The following FGF6 variants were observed in gnomAD, a reference collection of about 807,000 sequenced individuals.
The protein encoded by FGF6 is fibroblast growth factor 6.
A neutral mutation model predicts 18.4 loss-of-function variants in FGF6; 14 were observed. The ratio of observed to expected loss-of-function variants is 0.76; its 90% CI spans 0.50 to 1.19. FGF6 has a LOEUF of 1.19. Ranked by LOEUF, FGF6 falls within the 50% of genes most tolerant of loss-of-function variation. The probability of loss-of-function intolerance (pLI) is 0.00; values close to 1 mark genes in which losing one functional copy is unlikely to be tolerated. For missense variants in FGF6, 266 were observed against 271.6 expected (o/e 0.98, Z 0.15); for synonymous variants, 125 against 116.7 (o/e 1.07, Z -0.46).
At position 4,439,693 on chromosome 12, in the gene FGF6, T is replaced by C. The variant is rs534794194; in HGVS notation, c.450+4440A>G. Reference sequence around the variant, plus strand: ...TTTCTGTTTCTATTTTTTTTTCAAGTTTACTACTTTTTTTTCTTTCCATTC... The same window carrying C: ...TTTCTGTTTCTATTTTTTTTTCAAGCTTACTACTTTTTTTTCTTTCCATTC... On this transcript the variant is annotated intron_variant, in intron 2 of 2. Coordinates refer to ENST00000228837, the MANE Select transcript of FGF6 (RefSeq NM_020996.3). 1.2e-3 allele frequency among the ~76,000 whole-genome samples: 176 copies of C among 152,002 alleles called. 1 individual carries two copies. Among genetic ancestry groups the C allele is most frequent in the African/African-American group, 4.0e-3 (167 of 41,410 alleles).
At chr12:4,444,046 C>T (rs1865725175) in intron 2 of FGF6, 87 bp downstream of exon 2, 2 of 839,514 alleles carry the variant, frequency 2.4e-6, no homozygotes, top group Middle Eastern at 2.3e-4. Flanking sequence ...ATAGTCACTT[C>T]TCTACTCAGG....
intron 2 of FGF6, among the ~76,000 whole-genome samples, chr12:4,436,723 C>T (rs972173178): frequency 6.6e-6 from 1 of 152,214 alleles, no homozygotes; most frequent in Non-Finnish European, 1.5e-5. Flanking sequence ...ACAGCCTTGC[C>T]TATGGGAACA....
intron 2 of FGF6, among the ~76,000 whole-genome samples, chr12:4,435,442 C>T (rs1178242818): frequency 6.6e-6 from 1 of 152,158 alleles, no homozygotes; most frequent in Non-Finnish European, 1.5e-5. Context: ...CATCCCCAAA[C>T]CGTCCCCCCA....
At position 4,445,655 on chromosome 12, in the gene FGF6, A is replaced by G. The variant is rs1865756863; in HGVS notation, c.-85T>C. 8.7e-7 allele frequency: 1 copy of G among 1,154,148 alleles called. No individual in the cohort carries two copies. The highest frequency in any genetic ancestry group is 1.6e-5 in the South Asian group (1 of 62,700). The allele number at this position is 1,154,148 out of a possible 1,614,324, so 71.5% of individuals were successfully genotyped here. A position where few individuals can be genotyped will look rare whatever the true frequency, so the allele number is the denominator to read the frequency against. The stretch of plus-strand genomic sequence containing the variant: ...GTTTTTCTCCCTCCGGCATGGCGGC[A>G]GGGGCTTATTTTTGGAAGGCAGATG... On this transcript the variant is annotated 5_prime_UTR_variant, in exon 1 of 3. Transcript: ENST00000228837. The surrounding 1 kb of genome is among the most constrained non-coding windows in gnomAD (Gnocchi z 5.5).
chr12:4,444,144 A>G lies in FGF6; in HGVS notation c.439T>C (p.Leu147=), dbSNP rs776856016. 6.2e-7 allele frequency: 1 copy of G among 1,611,502 alleles called. No homozygotes were observed. Among genetic ancestry groups the G allele is most frequent in the Non-Finnish European group, 8.5e-7 (1 of 1,177,758 alleles). The change falls in exon 2 of 3, where the codon TTG becomes CTG. Residue 147 remains leucine, a synonymous_variant. Transcript: ENST00000228837. ...CCTGGTGAACTCACCGTTGCGTACAATCTTCCTTTACTGTTCATGGCAACG... is the reference window on the plus strand; with the variant it reads ...CCTGGTGAACTCACCGTTGCGTACAGTCTTCCTTTACTGTTCATGGCAACG... ...LFVAMNSKGR[L]YATPSFQEEC...
rs995742935 is a variant in FGF6 at position 4,445,754 on chromosome 12, G to A, written c.-184C>T. On this transcript the variant is annotated 5_prime_UTR_variant, in exon 1 of 3. Coordinates refer to ENST00000228837, the MANE Select transcript of FGF6 (RefSeq NM_020996.3). This position sits in a 1 kb window ranked among gnomAD's most constrained non-coding sequence, Gnocchi z 5.5. Reference sequence around the variant, plus strand: ...AGCAGAGGGACCCAGGCTGAGCCGCGGCCGGTAGAGACCATGGCTCGGGGA... The same window carrying A: ...AGCAGAGGGACCCAGGCTGAGCCGCAGCCGGTAGAGACCATGGCTCGGGGA... 2 of 596,956 alleles carry A rather than the reference G, an allele frequency of 3.4e-6. No homozygotes were observed. The highest frequency in any genetic ancestry group is 2.8e-5 in the East Asian group (1 of 35,482). The allele number at this position is 596,956 out of a possible 1,614,324, so 37.0% of individuals were successfully genotyped here. A position where few individuals can be genotyped will look rare whatever the true frequency, so the allele number is the denominator to read the frequency against.
chr12:4,443,017 G>A (rs754467929), intron 2 of FGF6, among the ~76,000 whole-genome samples: 1 of 152,242 alleles, frequency 6.6e-6, no homozygotes, highest in Non-Finnish European at 1.5e-5. Context: ...AAGTTTCCAA[G>A]GTGACAGAGA....
Position 4,445,723 on chromosome 12 carries a change from G to T in FGF6, c.-153C>A, listed in dbSNP as rs1034031091. On this transcript the variant is annotated 5_prime_UTR_variant, in exon 1 of 3. Coordinates refer to ENST00000228837, the MANE Select transcript of FGF6 (RefSeq NM_020996.3). This position sits in a 1 kb window ranked among gnomAD's most constrained non-coding sequence, Gnocchi z 5.5. ...ACCAAAGCCTCCATCGGGCACTCGGGTTGAGAGCAGAGGGACCCAGGCTGA... is the reference window on the plus strand; with the variant it reads ...ACCAAAGCCTCCATCGGGCACTCGGTTTGAGAGCAGAGGGACCCAGGCTGA... 1.5e-5 allele frequency: 10 copies of T among 663,430 alleles called. No individual in the cohort carries two copies. Among genetic ancestry groups the T allele is most frequent in the Admixed American group, 3.0e-5 (1 of 33,804 alleles). 41.1% of individuals were successfully genotyped at this position (663,430 alleles called of 1,614,324 possible).
rs202212518 is a variant in FGF6, at chr12:4,445,385, G to A, written c.186C>T (p.Arg62=). The A allele has an allele frequency of 1.2e-5, 20 of 1,613,718 alleles. No individual in the cohort carries two copies. Among genetic ancestry groups the A allele is most frequent in the East Asian group, 1.1e-4 (5 of 44,870 alleles). Residue 62 remains arginine (R), a synonymous_variant, in exon 1 of 3, where the codon CGC becomes CGT. Coordinates refer to ENST00000228837, the MANE Select transcript of FGF6 (RefSeq NM_020996.3). This position sits in a 1 kb window ranked among gnomAD's most constrained non-coding sequence, Gnocchi z 5.5. ...CGGCAATCTCTCCAGCTAGCCCGGC[G>A]CGAGACCTGGACAGCAGGGTGCCCC... The part of the protein sequence containing the change: ...RGWGTLLSRS[R]AGLAGEIAGV...
Position 4,444,248 on chromosome 12 carries a change from AG to A in FGF6, c.347-13del, listed in dbSNP as rs770084465. The A allele has an allele frequency of 4.8e-5, 76 of 1,582,738 alleles. No individual in the cohort carries two copies. The highest frequency in any genetic ancestry group is 6.6e-5 in the Non-Finnish European group (76 of 1,152,232). ...AATTTCCAGCAGGCCTGACAAGGAAAGGGGGGCCACATTACCTAAGGCTTGT... is the reference window on the plus strand; with the variant it reads ...AATTTCCAGCAGGCCTGACAAGGAAAGGGGGCCACATTACCTAAGGCTTGT... On this transcript the variant is annotated splice_polypyrimidine_tract_variant and intron_variant, in intron 1 of 2. Transcript: ENST00000228837.
chr12:4,439,098 T>G (rs1309691202), intron 2 of FGF6, among the ~76,000 whole-genome samples: 5 of 152,220 alleles, frequency 3.3e-5, no homozygotes, highest in Admixed American at 6.5e-5. Flanking sequence ...CCATAGAATA[T>G]TCTTTGATAC....
At chr12:4,444,112 T>A in intron 2 of FGF6, 21 bp downstream of exon 2, 1 of 1,533,302 alleles carries the variant, frequency 6.5e-7, no homozygotes, top group South Asian at 1.1e-5. Flanking sequence ...ACCTGGCACT[T>A]CCCCGGCCTG....
chr12:4,444,044 T>C lies in FGF6; in HGVS notation c.450+89A>G, dbSNP rs567543665. The C allele has an allele frequency of 3.9e-5, 32 of 825,544 alleles. No individual in the cohort carries two copies. In the African/African-American group the frequency reaches 5.1e-4, roughly 13 times the overall value. 51.1% of individuals were successfully genotyped at this position (825,544 alleles called of 1,614,324 possible). A position where few individuals can be genotyped will look rare whatever the true frequency, so the allele number is the denominator to read the frequency against. On this transcript the variant is annotated intron_variant, in intron 2 of 2. Coordinates refer to ENST00000228837, the MANE Select transcript of FGF6 (RefSeq NM_020996.3). ...TTTCCTTTCCCATTTAGATAGTCACTTCTCTACTCAGGACTTCATATTATT... is the reference window on the plus strand; with the variant it reads ...TTTCCTTTCCCATTTAGATAGTCACCTCTCTACTCAGGACTTCATATTATT...
At chr12:4,440,198 T>C (rs989954584) in intron 2 of FGF6, among the ~76,000 whole-genome samples, 1 of 152,210 alleles carries the variant, frequency 6.6e-6, no homozygotes, top group African/African-American at 2.4e-5. Flanking sequence ...CATGAAAATA[T>C]CTTCAATTTG....
rs144930618 is a variant in FGF6 at position 4,440,332 on chromosome 12, C to A, written c.450+3801G>T. On this transcript the variant is annotated intron_variant, in intron 2 of 2. Transcript: ENST00000228837. ...AGTGTGAGGTGGACAAGACAGCCACCCTCTCGCCTTTAGAGCTAAGTCACT... is the reference window on the plus strand; with the variant it reads ...AGTGTGAGGTGGACAAGACAGCCACACTCTCGCCTTTAGAGCTAAGTCACT... Among the ~76,000 whole-genome samples, 177 of 152,248 alleles carry A rather than the reference C, an allele frequency of 1.2e-3. 1 individual carries two copies. The highest frequency in any genetic ancestry group is 4.0e-3 in the African/African-American group (167 of 41,538).
At chr12:4,436,124 G>A (rs925702591) in intron 2 of FGF6, among the ~76,000 whole-genome samples, 3 of 152,166 alleles carry the variant, frequency 2.0e-5, no homozygotes, top group African/African-American at 7.2e-5. Flanking sequence ...TGCTGGCAGT[G>A]TAGCTGGACG....
chr12:4,442,228 G>A (rs901826105), intron 2 of FGF6, among the ~76,000 whole-genome samples: 1 of 152,062 alleles, frequency 6.6e-6, no homozygotes, highest in Non-Finnish European at 1.5e-5. Flanking sequence ...GTGAGGGCTG[G>A]GGGTGGGGTG....
intron 2 of FGF6, among the ~76,000 whole-genome samples, chr12:4,440,367 G>A (rs886998679): frequency 6.6e-6 from 1 of 152,188 alleles, no homozygotes; most frequent in South Asian, 2.1e-4. Context: ...TTGGACCAAC[G>A]AGGATCTAAT....
At position 4,445,578 on chromosome 12, in the gene FGF6, G is replaced by A. The variant is rs1054323254; in HGVS notation, c.-8C>T. 2 of 1,567,234 alleles carry A rather than the reference G, an allele frequency of 1.3e-6. No individual in the cohort carries two copies. The highest frequency in any genetic ancestry group is 1.7e-6 in the Non-Finnish European group (2 of 1,154,178). ...TTTCTGTCCCAGGGCCATCCACCTT[G>A]CCTCTCAGGCACGTGGTCAGAATTA... On this transcript the variant is annotated 5_prime_UTR_variant, in exon 1 of 3. Transcript: ENST00000228837. This position sits in a 1 kb window ranked among gnomAD's most constrained non-coding sequence, Gnocchi z 5.5.
Sources: gnomAD v4.1 joint callset for allele counts (sites outside exome capture counted in the v4.1 genomes callset) on GRCh38, gnomAD v4.1.1 for gene constraint, Gnocchi (gnomAD v3.1) non-coding constraint, MANE v1.5 for transcripts, NCBI Gene and HGNC (gene_info 2026-07-23, HGNC 2026-07-21) for gene names.